Variants in PPP4R2 observed in about 807,000 individuals in gnomAD.
PPP4R2 encodes the protein protein phosphatase 4 regulatory subunit 2.
A neutral mutation model predicts 47.2 loss-of-function variants in PPP4R2; 13 were observed. The observed-to-expected ratio is 0.28, with a 90% CI of 0.18 to 0.44. The LOEUF is 0.44. PPP4R2 is among the 20% of genes least tolerant of loss of function. The pLI, the probability that PPP4R2 is intolerant of heterozygous loss-of-function variation, is 1.00. For synonymous variants in PPP4R2, 151 were observed against 163.3 expected (o/e 0.92, Z 0.57); for missense variants, 421 against 491.2 (o/e 0.86, Z 1.35).
At chr3:73,057,491 T>A (rs1021234150) in intron 3 of PPP4R2, among the ~76,000 whole-genome samples, 1 of 152,124 alleles carries the variant, frequency 6.6e-6, no homozygotes, top group African/African-American at 2.4e-5. Flanking sequence ...AGGCAAACAT[T>A]TAATCTTTTA....
intron 5 of PPP4R2, chr3:73,061,823 A>G: frequency 2.6e-6 from 1 of 380,510 alleles, no homozygotes; most frequent in South Asian, 2.7e-5. Context: ...TTGGCCTTCC[A>G]AAGTGCTGAG....
intron 2 of PPP4R2, among the ~76,000 whole-genome samples, chr3:73,028,129 C>T (rs149035955): frequency 1.3e-5 from 2 of 151,514 alleles, no homozygotes; most frequent in African/African-American, 2.4e-5. Flanking sequence ...TGGTGGCACA[C>T]GCCTGTCATC....
At chr3:73,040,187 A>G (rs1489536274) in intron 2 of PPP4R2, among the ~76,000 whole-genome samples, 1 of 152,180 alleles carries the variant, frequency 6.6e-6, no homozygotes, top group Non-Finnish European at 1.5e-5. Context: ...TTCACTAGCA[A>G]TGAAGGAAAT....
intron 1 of PPP4R2, among the ~76,000 whole-genome samples, chr3:72,997,689 C>T (rs1490251738): frequency 6.6e-6 from 1 of 152,132 alleles, no homozygotes; most frequent in Admixed American, 6.5e-5. Flanking sequence ...GGGACGGCAA[C>T]TTGGGGTAGT....
intron 2 of PPP4R2, among the ~76,000 whole-genome samples, chr3:73,011,920 A>G (rs1189187534): frequency 2.0e-5 from 3 of 152,190 alleles, no homozygotes; most frequent in Non-Finnish European, 4.4e-5. Context: ...GGAGAAAAAT[A>G]TATGCTATAG....
At chr3:73,043,011 A>G (rs1559560915) in intron 2 of PPP4R2, among the ~76,000 whole-genome samples, 1 of 152,132 alleles carries the variant, frequency 6.6e-6, no homozygotes, top group African/African-American at 2.4e-5. Flanking sequence ...TTGGACCGCA[A>G]ACATGTCATG....
intron 1 of PPP4R2, 136 bp downstream of exon 1, chr3:72,997,207 C>T (rs1410994794): frequency 1.5e-5 from 9 of 598,478 alleles, no homozygotes; most frequent in Non-Finnish European, 2.3e-5. Context: ...CATCCCCCTC[C>T]ACCTCCCCAG....
At chr3:73,058,329 T>C (rs1702770090) in intron 3 of PPP4R2, among the ~76,000 whole-genome samples, 1 of 152,104 alleles carries the variant, frequency 6.6e-6, no homozygotes, top group Non-Finnish European at 1.5e-5. Flanking sequence ...AACCTTTGAG[T>C]GCAGAAGAAT....
chr3:73,030,788 G>A (rs915117665), intron 2 of PPP4R2, among the ~76,000 whole-genome samples: 2 of 151,470 alleles, frequency 1.3e-5, no homozygotes, highest in Admixed American at 6.6e-5. Flanking sequence ...TGCATCCTAC[G>A]CCTCCCGGAT....
chr3:73,017,503 C>G (rs1292590711), intron 2 of PPP4R2, among the ~76,000 whole-genome samples: 1 of 152,120 alleles, frequency 6.6e-6, no homozygotes, highest in Admixed American at 6.5e-5. Flanking sequence ...ACTGGTGGGT[C>G]CCCTGCATGC....
At chr3:73,050,921 AT>A (rs1006702456) in intron 3 of PPP4R2, among the ~76,000 whole-genome samples, 8 of 150,696 alleles carry the variant, frequency 5.3e-5, no homozygotes, top group African/African-American at 1.7e-4. Flanking sequence ...CCTTTTTTTT[AT>A]TTTTTTCTGG....
Position 73,030,501 on chromosome 3 carries a change from A to G in PPP4R2, c.117-16685A>G, listed in dbSNP as rs373775378. On this transcript the variant is annotated intron_variant, in intron 2 of 8. Coordinates refer to ENST00000356692, the MANE Select transcript of PPP4R2 (RefSeq NM_174907.4). ...TCAGAGAATGAAATAGACTGGGGATAATGTCTGGTAGCATTTGTAGCGTAC... is the reference window on the plus strand; with the variant it reads ...TCAGAGAATGAAATAGACTGGGGATGATGTCTGGTAGCATTTGTAGCGTAC... Among the ~76,000 whole-genome samples the G allele has an allele frequency of 2.6e-5, 4 of 152,174 alleles. No individual in the cohort carries two copies. In the South Asian group the frequency reaches 8.3e-4, roughly 32 times the overall value.
chr3:73,002,629 CTTTTCTTTTT>C (rs1367058996), intron 2 of PPP4R2, among the ~76,000 whole-genome samples: 77 of 82,978 alleles, frequency 9.3e-4, no homozygotes, highest in South Asian at 2.0e-3. Flanking sequence ...CTTTTCTTTT[CTTTTCTTTTT>C]TTTTTTTTTT....
chr3:73,028,374 A>G (rs1702108182), intron 2 of PPP4R2, among the ~76,000 whole-genome samples: 1 of 151,746 alleles, frequency 6.6e-6, no homozygotes, highest in Non-Finnish European at 1.5e-5. Flanking sequence ...GGTCAGGGGA[A>G]GTCTCATTTA....
At chr3:73,050,254 C>T (rs866924365) in intron 3 of PPP4R2, among the ~76,000 whole-genome samples, 8 of 152,118 alleles carry the variant, frequency 5.3e-5, no homozygotes, top group East Asian at 3.8e-4. Context: ...CTTGAGCCAC[C>T]GCGCCTGGCC....
intron 2 of PPP4R2, among the ~76,000 whole-genome samples, chr3:73,046,154 A>G (rs963792557): frequency 1.3e-5 from 2 of 152,178 alleles, no homozygotes; most frequent in African/African-American, 4.8e-5. Context: ...CTCTTGCTAC[A>G]TGGATTATCA....
Position 73,068,452 on chromosome 3 carries a change from T to C in PPP4R2, c.*2730T>C, listed in dbSNP as rs962051307. 1 of 152,226 alleles carries C rather than the reference T, an allele frequency of 6.6e-6. No homozygotes were observed. Among genetic ancestry groups the C allele is most frequent in the African/African-American group, 2.4e-5 (1 of 41,466 alleles). The allele number at this position is 152,226 out of a possible 1,614,324, so 9.4% of individuals were successfully genotyped here. On this transcript the variant is annotated 3_prime_UTR_variant, in exon 9 of 9. Transcript: ENST00000356692. ...TATCCTTGTACATTTTTGAAAAATA[T>C]ATTTTCAGTTCTGAAAAATGTAGCA... is the stretch of plus-strand genomic sequence containing the variant.
chr3:73,036,994 A>G (rs1215329181), intron 2 of PPP4R2, among the ~76,000 whole-genome samples: 1 of 152,194 alleles, frequency 6.6e-6, no homozygotes, highest in African/African-American at 2.4e-5. Context: ...ATATTTCAGT[A>G]ACAGATATTT....
intron 3 of PPP4R2, among the ~76,000 whole-genome samples, chr3:73,053,358 G>T (rs904347349): frequency 6.6e-6 from 1 of 150,482 alleles, no homozygotes; most frequent in African/African-American, 2.5e-5. Context: ...TTCCCCACCT[G>T]GTCTTGTCTA....
Sources: allele counts gnomAD v4.1 joint callset (sites outside exome capture counted in the v4.1 genomes callset), GRCh38; gene constraint gnomAD v4.1.1; transcripts MANE v1.5; gene names NCBI Gene and HGNC (gene_info 2026-07-23, HGNC 2026-07-21).